Variants in TBC1D4 observed in about 807,000 individuals in gnomAD.
The protein encoded by TBC1D4 is TBC1 domain family member 4, also known as TBC (Tre-2, BUB2, CDC16) domain-containing protein.
A neutral mutation model predicts 142.5 loss-of-function variants in TBC1D4; 121 were observed. That is an observed-to-expected ratio of 0.85 (90% CI 0.73 to 0.99). The LOEUF (loss-of-function observed/expected upper bound fraction) is 0.99. TBC1D4 is among the 50% of genes least tolerant of loss of function. TBC1D4 has a pLI of 0.00. For missense variants in TBC1D4, 1,475 were observed against 1,606.6 expected (o/e 0.92, Z 1.40); for synonymous variants, 630 against 628.2 (o/e 1.00, Z -0.04).
At chr13:75,479,631 A>G (rs1045461230) in intron 1 of TBC1D4, among the ~76,000 whole-genome samples, 2 of 152,156 alleles carry the variant, frequency 1.3e-5, no homozygotes, top group Non-Finnish European at 2.9e-5. Flanking sequence ...CCCGAGAGTC[A>G]TGAAAAGTTC....
intron 1 of TBC1D4, among the ~76,000 whole-genome samples, chr13:75,464,304 C>T (rs761215035): frequency 1.3e-5 from 2 of 152,172 alleles, no homozygotes; most frequent in Non-Finnish European, 2.9e-5. Context: ...GTGGGTTTAC[C>T]GGAACGAGGG....
chr13:75,342,799 T>C lies in TBC1D4; in HGVS notation c.1409-1212A>G, dbSNP rs545315856. On this transcript the variant is annotated intron_variant, in intron 5 of 20. Transcript: ENST00000377636. The stretch of plus-strand genomic sequence containing the variant: ...TAGGTTCCACTTAGAGTATTGCTAC[T>C]ATATTTTGATTATGAAGAGAATATA... Among the ~76,000 whole-genome samples the C allele has an allele frequency of 7.2e-5, 11 of 152,040 alleles. No individual in the cohort carries two copies. In the East Asian group the frequency reaches 2.1e-3, roughly 29 times the overall value.
At chr13:75,334,610 G>T (rs1047697037) in intron 8 of TBC1D4, among the ~76,000 whole-genome samples, 10 of 151,662 alleles carry the variant, frequency 6.6e-5, no homozygotes, top group Admixed American at 2.6e-4. Context: ...TTTAGACAGG[G>T]TCTCACTCTG....
At chr13:75,313,803 G>T (rs1033883253) in intron 12 of TBC1D4, among the ~76,000 whole-genome samples, 1 of 152,168 alleles carries the variant, frequency 6.6e-6, no homozygotes, top group African/African-American at 2.4e-5. Context: ...GGGATTACAG[G>T]CATGAGGCAC....
chr13:75,335,524 C>CTGTGT (rs370430040), intron 8 of TBC1D4, among the ~76,000 whole-genome samples: 7 of 133,886 alleles, frequency 5.2e-5, no homozygotes, highest in African/African-American at 2.5e-4. Flanking sequence ...TGGTTTGGAT[C>CTGTGT]CGCCCAAATC....
At chr13:75,435,921 A>G (rs1886780721) in intron 1 of TBC1D4, among the ~76,000 whole-genome samples, 1 of 152,166 alleles carries the variant, frequency 6.6e-6, no homozygotes, top group African/African-American at 2.4e-5. Flanking sequence ...ATGAATCCAC[A>G]CTGATATAAA....
chr13:75,461,418 C>T (rs1011860371), intron 1 of TBC1D4, among the ~76,000 whole-genome samples: 1 of 152,198 alleles, frequency 6.6e-6, no homozygotes, highest in Non-Finnish European at 1.5e-5. Context: ...GATCCCATTT[C>T]CATATATAAT....
At chr13:75,334,482 T>C (rs547096837) in intron 8 of TBC1D4, among the ~76,000 whole-genome samples, 3 of 152,108 alleles carry the variant, frequency 2.0e-5, no homozygotes, top group Non-Finnish European at 2.9e-5. Context: ...TATGTCTATA[T>C]TTACATGTAT....
rs537172758 is a variant in TBC1D4, at chr13:75,312,597, G to C, written c.2383+141C>G. On this transcript the variant is annotated intron_variant, in intron 13 of 20. Coordinates refer to ENST00000377636, the MANE Select transcript of TBC1D4 (RefSeq NM_014832.5). ...TGCCTAATGTTTTCTAATGATACCT[G>C]AAAGAGAAACCACTGTATCACATAC... 1,687 of 1,139,490 alleles carry C rather than the reference G, an allele frequency of 1.5e-3. 2 individuals carry two copies. The highest frequency in any genetic ancestry group is 2.0e-3 in the Non-Finnish European group (1,563 of 783,244). The allele number at this position is 1,139,490 out of a possible 1,614,324, so 70.6% of individuals were successfully genotyped here. A position where few individuals can be genotyped will look rare whatever the true frequency, so the allele number is the denominator to read the frequency against.
intron 11 of TBC1D4, among the ~76,000 whole-genome samples, chr13:75,322,357 TAAAAC>T (rs1878850075): frequency 6.6e-6 from 1 of 152,156 alleles, no homozygotes; most frequent in Admixed American, 6.5e-5. Flanking sequence ...ATACACCACT[TAAAAC>T]AACACAGCTA....
chr13:75,382,709 G>T (rs1883919930), intron 1 of TBC1D4, among the ~76,000 whole-genome samples: 1 of 152,162 alleles, frequency 6.6e-6, no homozygotes, highest in South Asian at 2.1e-4. Flanking sequence ...CCAGTGAAAA[G>T]TTAGCTTCTG....
At chr13:75,360,644 T>C (rs1566424142) in intron 2 of TBC1D4, among the ~76,000 whole-genome samples, 1 of 152,126 alleles carries the variant, frequency 6.6e-6, no homozygotes, top group African/African-American at 2.4e-5. Flanking sequence ...CATACTGAGC[T>C]CAGAAAGCAA....
intron 1 of TBC1D4, among the ~76,000 whole-genome samples, chr13:75,408,242 A>G (rs890156170): frequency 6.6e-6 from 1 of 152,172 alleles, no homozygotes; most frequent in Non-Finnish European, 1.5e-5. Flanking sequence ...CTTTCATTTA[A>G]GCATTTTTTG....
chr13:75,384,105 T>A (rs112358161), intron 1 of TBC1D4, among the ~76,000 whole-genome samples: 3 of 17,634 alleles, frequency 1.7e-4, no homozygotes, highest in African/African-American at 3.3e-4. Flanking sequence ...TAAAAAAAAA[T>A]AATAATAATA....
At chr13:75,412,736 T>A (rs558449144) in intron 1 of TBC1D4, among the ~76,000 whole-genome samples, 1 of 152,234 alleles carries the variant, frequency 6.6e-6, no homozygotes, top group Non-Finnish European at 1.5e-5. Flanking sequence ...GAAAAAAAGA[T>A]ACTAAATTTG....
intron 1 of TBC1D4, among the ~76,000 whole-genome samples, chr13:75,370,822 T>A (rs78413000): frequency 0.011 from 1,721 of 152,144 alleles, 43 homozygotes; most frequent in African/African-American, 0.038. Context: ...GTTATTAGCA[T>A]CTAGATGGTA....
intron 1 of TBC1D4, among the ~76,000 whole-genome samples, chr13:75,475,453 G>GAAAACAAACAAACAA (rs1257168528): frequency 1.3e-5 from 2 of 152,190 alleles, no homozygotes; most frequent in Admixed American, 1.3e-4. Flanking sequence ...TAAACAAACA[G>GAAAACAAACAAACAA]AAGCCTTGAG....
chr13:75,443,180 A>G (rs2138206897), intron 1 of TBC1D4, among the ~76,000 whole-genome samples: 1 of 152,328 alleles, frequency 6.6e-6, no homozygotes, highest in East Asian at 1.9e-4. Context: ...TCACTGACAA[A>G]TAACTGCACA....
rs1057165260 is a variant in TBC1D4, at chr13:75,349,205, A to G, written c.1373T>C (p.Met458Thr). ...TTCACAGAGCTTATGCAAAGAGTGC[A>G]TCGGGCAGGCCTCACACAGTTTAAT... Reference protein sequence around the residue: ...TQIKLCEACPMHSLHKLCERI... With the variant: ...TQIKLCEACPTHSLHKLCERI... The change falls in exon 5 of 21, where the codon ATG becomes ACG. Residue 458 changes from methionine (M) to threonine (T), a missense_variant. Physicochemically the swap from Met to Thr is moderately conservative, Grantham distance 81 (BLOSUM62 -1). This residue lies in a region of TBC1D4 where 1,227 missense variants were observed against 1,267.7 expected (regional missense o/e 0.97). Coordinates refer to ENST00000377636, the MANE Select transcript of TBC1D4 (RefSeq NM_014832.5). The G allele has an allele frequency of 1.2e-6, 2 of 1,614,062 alleles. No individual in the cohort carries two copies. The highest frequency in any genetic ancestry group is 1.7e-6 in the Non-Finnish European group (2 of 1,179,946).
Sources: gnomAD v4.1 joint callset for allele counts (sites outside exome capture counted in the v4.1 genomes callset) on GRCh38, gnomAD v4.1.1 for gene constraint, gnomAD v4.1.1 regional missense constraint, MANE v1.5 for transcripts, NCBI Gene and HGNC (gene_info 2026-07-23, HGNC 2026-07-21) for gene names.